TRRAP: variants seen among roughly 807,000 people sequenced by gnomAD.
TRRAP encodes transformation/transcription domain associated protein.
In TRRAP, 41 loss-of-function variants were observed where a neutral mutation model predicts 438.8. The observed-to-expected ratio is 0.09, with a 90% CI of 0.07 to 0.12. TRRAP has a LOEUF of 0.12. Among genes scored for constraint, TRRAP ranks in the 10% least tolerant of loss-of-function variants. The pLI, the probability that TRRAP is intolerant of heterozygous loss-of-function variation, is 1.00. For missense variants in TRRAP, 3,122 were observed against 5,055.1 expected (o/e 0.62, Z 11.60); for synonymous variants, 1,994 against 1,962.9 (o/e 1.02, Z -0.42).
intron 33 of TRRAP, among the ~76,000 whole-genome samples, chr7:98,946,467 GACCACACGTGCACTCAC>G (rs1554416861): frequency 7.3e-6 from 1 of 137,834 alleles, no homozygotes; most frequent in Non-Finnish European, 1.6e-5. Context: ...CGTGCACACA[GACCACACGTGCACTCAC>G]ACCACACATG....
At chr7:98,933,495 G>A (rs1790419120) in intron 27 of TRRAP, 93 bp downstream of exon 27, 2 of 1,492,800 alleles carry the variant, frequency 1.3e-6, no homozygotes, top group Admixed American at 3.8e-5. Context: ...GCAGCATTCA[G>A]AGAAGGCTCG....
Position 98,967,631 on chromosome 7 carries a change from T to A in TRRAP, c.7445T>A (p.Leu2482His). ...AAACGTCGTGTCTACGAGCGCTTGCTCTATGTGACCTGTTCGCAGAACTGG... is the reference window on the plus strand; with the variant it reads ...AAACGTCGTGTCTACGAGCGCTTGCACTATGTGACCTGTTCGCAGAACTGG... ...SMKRRVYERL[L>H]YVTCSQNWEA... Residue 2482 changes from leucine (L) to histidine (H), a missense_variant, in exon 51 of 73, where the codon CTC becomes CAC. Coordinates refer to ENST00000456197, the MANE Select transcript of TRRAP (RefSeq NM_001375524.1). 1 of 1,614,054 alleles carries A rather than the reference T, an allele frequency of 6.2e-7. No homozygotes were observed. The highest frequency in any genetic ancestry group is 1.1e-5 in the South Asian group (1 of 91,074).
chr7:98,893,921 T>TCCA, intron 6 of TRRAP, 40 bp downstream of exon 6: 1 of 1,583,852 alleles, frequency 6.3e-7, no homozygotes, highest in Non-Finnish European at 8.6e-7. Flanking sequence ...ATAAAGTGTG[T>TCCA]CAACATGTTC....
Position 98,897,830 on chromosome 7 carries a change from A to G in TRRAP, c.597A>G (p.Lys199=). 2.5e-6 allele frequency: 4 copies of G among 1,614,070 alleles called. No individual in the cohort carries two copies. The highest frequency in any genetic ancestry group is 2.5e-6 in the Non-Finnish European group (3 of 1,180,026). The change falls in exon 8 of 73, where the codon AAA becomes AAG. Residue 199 remains lysine (K), a synonymous_variant. Transcript: ENST00000456197. ...GTATGATAACAACGATTGCTGTGAA[A>G]GTCAACCCGGAGCGTGAGGACAGTG... is the stretch of plus-strand genomic sequence containing the variant. The part of the protein sequence containing the change: ...MVGMITTIAV[K]VNPEREDSET...
At chr7:98,917,822 A>G in intron 20 of TRRAP, 143 bp downstream of exon 20, 3 of 1,228,912 alleles carry the variant, frequency 2.4e-6, no homozygotes, top group African/African-American at 1.5e-5. Context: ...CTTCTGGTGG[A>G]TTGAAATATG....
intron 47 of TRRAP, among the ~76,000 whole-genome samples, chr7:98,963,552 G>A (rs1469801696): frequency 6.6e-6 from 1 of 152,176 alleles, no homozygotes; most frequent in Non-Finnish European, 1.5e-5. Flanking sequence ...CCCCATGCCG[G>A]ATCTGGGGTG....
At position 98,983,389 on chromosome 7, in the gene TRRAP, A is replaced by G; in HGVS notation, c.8952A>G (p.Arg2984=). ...CGGTGGTGAAGACCTGGAGGAACCG[A>G]CTGCCCATCGTGTCTGACGACTTGT... is the stretch of plus-strand genomic sequence containing the variant. ...MKTVVKTWRN[R]LPIVSDDLSH... is the part of the protein sequence containing the mutation. Residue 2984 remains arginine, a synonymous_variant, in exon 60 of 73, where the codon CGA becomes CGG. Transcript: ENST00000456197. 1 of 1,614,172 alleles carries G rather than the reference A, an allele frequency of 6.2e-7. No homozygotes were observed. The highest frequency in any genetic ancestry group is 8.5e-7 in the Non-Finnish European group (1 of 1,180,030).
At chr7:98,989,040 T>G (rs930886435) in intron 63 of TRRAP, 74 bp downstream of exon 63, 2 of 1,497,354 alleles carry the variant, frequency 1.3e-6, no homozygotes, top group Non-Finnish European at 1.8e-6. Context: ...TTAGCTATAG[T>G]TTACTCATCC....
At chr7:98,925,399 C>G (rs782533269) in intron 22 of TRRAP, 136 bp downstream of exon 22, 4 of 1,263,878 alleles carry the variant, frequency 3.2e-6, no homozygotes, top group Non-Finnish European at 4.3e-6. Context: ...TCTACCTACT[C>G]CTTCTTGTTG....
intron 53 of TRRAP, among the ~76,000 whole-genome samples, chr7:98,974,308 G>T (rs562228162): frequency 3.3e-4 from 51 of 152,260 alleles, no homozygotes; most frequent in Middle Eastern, 3.4e-3. Context: ...CCTTCCTGGA[G>T]CTCCTCTACC....
chr7:98,881,031 A>G, intron 1 of TRRAP, 59 bp from the exon 2 acceptor site: 2 of 668,076 alleles, frequency 3.0e-6, no homozygotes. Flanking sequence ...TAAGATTTTC[A>G]CAGAGATTGT....
chr7:98,992,312 A>C, intron 65 of TRRAP, 85 bp downstream of exon 65: 1 of 1,407,122 alleles, frequency 7.1e-7, no homozygotes, highest in Non-Finnish European at 1.0e-6. Context: ...CACCGCAGCC[A>C]CCCCTGCCCT....
chr7:98,899,588 A>T, intron 9 of TRRAP, 89 bp downstream of exon 9: 2 of 1,599,864 alleles, frequency 1.3e-6, no homozygotes, highest in Non-Finnish European at 1.7e-6. Flanking sequence ...TAATACACAC[A>T]TGCTAAATAA....
At chr7:98,912,798 C>G (rs1348498686) in intron 18 of TRRAP, among the ~76,000 whole-genome samples, 1 of 152,016 alleles carries the variant, frequency 6.6e-6, no homozygotes, top group African/African-American at 2.4e-5. Context: ...CTCCTGGATG[C>G]ACACTGAAGC....
At chr7:98,970,883 G>A (rs73155658) in intron 52 of TRRAP, among the ~76,000 whole-genome samples, 4,168 of 152,224 alleles carry the variant, frequency 0.027, 83 homozygotes, top group South Asian at 0.055. Flanking sequence ...TTGCTCCTCC[G>A]AGAACCTGTA....
intron 30 of TRRAP, among the ~76,000 whole-genome samples, chr7:98,942,212 G>A (rs1554415793): frequency 6.6e-6 from 1 of 152,188 alleles, no homozygotes; most frequent in African/African-American, 2.4e-5. Flanking sequence ...CTGAAGCATG[G>A]CCCTCATTCT....
chr7:98,928,718 AT>A, intron 23 of TRRAP, among the ~76,000 whole-genome samples: 1 of 151,670 alleles, frequency 6.6e-6, no homozygotes, highest in East Asian at 1.9e-4. Flanking sequence ...CTATTTAATA[AT>A]TTTTTTAAAA....
intron 53 of TRRAP, among the ~76,000 whole-genome samples, chr7:98,975,749 A>T (rs7787076): frequency 1.3e-5 from 2 of 152,130 alleles, no homozygotes; most frequent in African/African-American, 4.8e-5. Context: ...AGTTTATGTC[A>T]TATACGTGTG....
At chr7:98,900,934 C>A (rs1306253231) in intron 11 of TRRAP, among the ~76,000 whole-genome samples, 1 of 152,124 alleles carries the variant, frequency 6.6e-6, no homozygotes, top group Non-Finnish European at 1.5e-5. Context: ...GCATACACAC[C>A]GATTTATTTG....
Sources: gnomAD v4.1 joint callset for allele counts (sites outside exome capture counted in the v4.1 genomes callset) on GRCh38, gnomAD v4.1.1 for gene constraint, MANE v1.5 for transcripts, NCBI Gene and HGNC (gene_info 2026-07-23, HGNC 2026-07-21) for gene names.